The following DNAJC7 variants were observed in gnomAD, a reference collection of about 807,000 sequenced individuals.
DNAJC7 encodes DnaJ heat shock protein family (Hsp40) member C7, also known as dnaJ homolog subfamily C member 7.
A neutral mutation model predicts 67.4 loss-of-function variants in DNAJC7; 18 were observed. That is an observed-to-expected ratio of 0.27 (90% CI 0.18 to 0.40). DNAJC7 has a LOEUF of 0.40. DNAJC7 is among the 10% of genes least tolerant of loss of function. DNAJC7 has a pLI of 1.00. For synonymous variants in DNAJC7, 220 were observed against 207.8 expected (o/e 1.06, Z -0.50); for missense variants, 419 against 613.8 (o/e 0.68, Z 3.35).
chr17:41,979,701 G>A (rs1206568528), intron 12 of DNAJC7, among the ~76,000 whole-genome samples: 2 of 135,100 alleles, frequency 1.5e-5, no homozygotes, highest in African/African-American at 5.4e-5. Flanking sequence ...GGTGGCTCAC[G>A]CCTGTAATTC....
chr17:42,013,126 C>G (rs529391112), intron 1 of DNAJC7: 4 of 152,238 alleles, frequency 2.6e-5, no homozygotes, highest in Admixed American at 2.6e-4. Flanking sequence ...TTTATAGAGA[C>G]TAAGTCTCAC....
rs1555648629 is a variant in DNAJC7 at position 41,996,322 on chromosome 17, C to A, written c.394G>T (p.Ala132Ser). 1.9e-6 allele frequency: 3 copies of A among 1,613,544 alleles called. No individual in the cohort carries two copies. In the South Asian group the frequency reaches 3.3e-5, roughly 18 times the overall value. The change falls in exon 4 of 14, where the codon GCA becomes TCA. Residue 132 changes from alanine (A) to serine (S), a missense_variant. Physicochemically the swap from Ala to Ser is moderately conservative, Grantham distance 99 (BLOSUM62 1). Coordinates refer to ENST00000457167, the MANE Select transcript of DNAJC7 (RefSeq NM_003315.4). ...GATCAGACCCGTACCTCTTGTTGTG[C>A]CTGAGCATTTTTATGATCCAGTTCT... ...ALELDHKNAQ[A>S]QQEFKNANAV...
chr17:41,992,379 G>A (rs552023404), intron 5 of DNAJC7, among the ~76,000 whole-genome samples: 29 of 152,046 alleles, frequency 1.9e-4, no homozygotes, highest in African/African-American at 6.3e-4. Flanking sequence ...TCTCCATGTT[G>A]GTCAGGCTGG....
intron 12 of DNAJC7, among the ~76,000 whole-genome samples, chr17:41,980,330 G>A (rs553251732): frequency 4.0e-5 from 6 of 151,740 alleles, no homozygotes; most frequent in Admixed American, 6.6e-5. Flanking sequence ...TTACAGGCGT[G>A]AGCCACCATG....
chr17:42,012,476 C>T lies in DNAJC7; in HGVS notation c.77+4864G>A, dbSNP rs188671948. ...CCAGCCTGGTGACAGAGCGAGACTC[C>T]GTCAAAAAGAAAAGAAAACAATTTG... On this transcript the variant is annotated intron_variant, in intron 1 of 13. Coordinates refer to ENST00000457167, the MANE Select transcript of DNAJC7 (RefSeq NM_003315.4). Among the ~76,000 whole-genome samples the T allele has an allele frequency of 2.6e-5, 4 of 152,120 alleles. No individual in the cohort carries two copies. The East Asian group carries it at 5.8e-4, about 22-fold the overall frequency.
chr17:41,982,959 T>TA (rs1317041576), intron 10 of DNAJC7, among the ~76,000 whole-genome samples: 150 of 130,626 alleles, frequency 1.1e-3, no homozygotes, highest in Middle Eastern at 3.9e-3. Context: ...GACTCCATCT[T>TA]AAAAAAAAAA....
Position 41,988,752 on chromosome 17 carries a change from G to A in DNAJC7, c.898C>T (p.Arg300Trp). ...IKTNAKLYCN[R>W]GTVNSKLRKL... ...CTTACCTTGGAATTAACCGTACCCC[G>A]ATTACAGTAGAGTTTAGCATTTGTT... Residue 300 changes from arginine to tryptophan, a missense_variant, in exon 8 of 14, where the codon CGG (arginine) becomes TGG (tryptophan). Around this residue, in one of 4 missense-constraint regions of DNAJC7, gnomAD observed 161 missense variants for 252.2 expected, o/e 0.64. Transcript: ENST00000457167. 6.2e-7 allele frequency: 1 copy of A among 1,608,250 alleles called. No individual in the cohort carries two copies. Among genetic ancestry groups the A allele is most frequent in the Non-Finnish European group, 8.5e-7 (1 of 1,178,138 alleles).
At position 41,982,243 on chromosome 17, in the gene DNAJC7, C is replaced by T; in HGVS notation, c.1231+12G>A. 2 of 1,613,902 alleles carry T rather than the reference C, an allele frequency of 1.2e-6. No individual in the cohort carries two copies. The highest frequency in any genetic ancestry group is 1.7e-6 in the Non-Finnish European group (2 of 1,179,832). On this transcript the variant is annotated intron_variant, in intron 11 of 13. Transcript: ENST00000457167. ...TTCTTCCCACTGAGCCCACTCCCCG[C>T]ACCTACTCTACCTGGATGGTGCATC...
chr17:41,999,912 G>T (rs1244052372), intron 2 of DNAJC7, among the ~76,000 whole-genome samples: 1 of 150,424 alleles, frequency 6.6e-6, no homozygotes, highest in Non-Finnish European at 1.5e-5. Flanking sequence ...TCTACCTCCC[G>T]AGTTCAGGCA....
intron 5 of DNAJC7, among the ~76,000 whole-genome samples, chr17:41,993,437 C>A (rs1345008011): frequency 1.3e-5 from 2 of 152,090 alleles, no homozygotes; most frequent in Non-Finnish European, 2.9e-5. Flanking sequence ...CCAGCCTGGG[C>A]AACAGACCAA....
At chr17:42,010,866 T>G (rs2052098424) in intron 1 of DNAJC7, among the ~76,000 whole-genome samples, 1 of 152,182 alleles carries the variant, frequency 6.6e-6, no homozygotes, top group South Asian at 2.1e-4. Flanking sequence ...CATATATTCC[T>G]CCTATTACCA....
intron 1 of DNAJC7, chr17:42,015,077 T>A (rs1273584545): frequency 6.6e-6 from 1 of 152,004 alleles, no homozygotes; most frequent in African/African-American, 2.4e-5. Context: ...CCTCCTGAGT[T>A]CAAGCGATTC....
At chr17:42,008,612 G>A (rs377215177) in intron 1 of DNAJC7, among the ~76,000 whole-genome samples, 8 of 152,046 alleles carry the variant, frequency 5.3e-5, no homozygotes, top group South Asian at 2.1e-4. Context: ...GGGTTTCACC[G>A]TGTTAGCCAG....
intron 1 of DNAJC7, chr17:42,017,036 C>T (rs2052318098): frequency 7.5e-7 from 1 of 1,334,464 alleles, no homozygotes; most frequent in Non-Finnish European, 9.6e-7. Context: ...GCCGCTTCCC[C>T]CACCTCGCAC....
At chr17:41,988,935 C>T (rs1159560028) in intron 7 of DNAJC7, 39 bp from the exon 8 acceptor site, 2 of 1,608,884 alleles carry the variant, frequency 1.2e-6, no homozygotes, top group East Asian at 2.2e-5. Context: ...TTCATATCCA[C>T]AAAGCCTCAG....
At chr17:41,987,036 T>C (rs2051401824) in intron 9 of DNAJC7, among the ~76,000 whole-genome samples, 1 of 152,178 alleles carries the variant, frequency 6.6e-6, no homozygotes, top group African/African-American at 2.4e-5. Flanking sequence ...GGGAAGTTTT[T>C]CTCCGCCTAG....
intron 4 of DNAJC7, 106 bp downstream of exon 4, chr17:41,996,205 G>T: frequency 1.9e-6 from 2 of 1,073,326 alleles, no homozygotes; most frequent in Non-Finnish European, 2.8e-6. Context: ...ACCCAGGTGT[G>T]CTGATGGCAG....
chr17:41,988,153 G>A (rs1469790321), intron 8 of DNAJC7, among the ~76,000 whole-genome samples: 14 of 152,176 alleles, frequency 9.2e-5, no homozygotes, highest in African/African-American at 3.4e-4. Flanking sequence ...TTCCATGTTA[G>A]TGCCCAATGA....
At chr17:42,009,871 G>A (rs1255559250) in intron 1 of DNAJC7, among the ~76,000 whole-genome samples, 9 of 152,228 alleles carry the variant, frequency 5.9e-5, no homozygotes, top group South Asian at 2.1e-4. Context: ...TTGCCCTGGC[G>A]CAGTGGCTCA....
Sources: allele counts gnomAD v4.1 joint callset (sites outside exome capture counted in the v4.1 genomes callset), GRCh38; gene constraint gnomAD v4.1.1; regional missense constraint gnomAD v4.1.1; transcripts MANE v1.5; gene names NCBI Gene and HGNC (gene_info 2026-07-23, HGNC 2026-07-21).